The following KCNG4 variants were observed in gnomAD, a reference collection of about 807,000 sequenced individuals.
The protein encoded by KCNG4 is voltage-gated potassium channel regulatory subunit KCNG4.
A neutral mutation model predicts 28.2 loss-of-function variants in KCNG4; 30 were observed. The ratio of observed to expected loss-of-function variants is 1.06; its 90% CI spans 0.80 to 1.44. The LOEUF (loss-of-function observed/expected upper bound fraction) is 1.44. Among genes scored for constraint, KCNG4 ranks in the 40% most tolerant of loss-of-function variants. The probability of loss-of-function intolerance (pLI) is 0.00; values close to 1 mark genes in which losing one functional copy is unlikely to be tolerated. For missense variants in KCNG4, 879 were observed against 712.3 expected, an observed-to-expected ratio of 1.23 and a Z score of -2.66; for synonymous variants, 375 against 315.5, an observed-to-expected ratio of 1.19 and a Z score of -2.00.
chr16:84,235,071 G>T (rs751598995), intron 2 of KCNG4, among the ~76,000 whole-genome samples: 1 of 152,150 alleles, frequency 6.6e-6, no homozygotes, highest in Non-Finnish European at 1.5e-5. Context: ...CCTGATCCTC[G>T]GCTGAAACTT....
chr16:84,235,008 T>C (rs1040543918), intron 2 of KCNG4, among the ~76,000 whole-genome samples: 2 of 152,098 alleles, frequency 1.3e-5, no homozygotes, highest in Admixed American at 6.5e-5. Context: ...CATAAAGATA[T>C]TGTGGCTGGG....
chr16:84,229,225 G>C (rs530267424), intron 2 of KCNG4, among the ~76,000 whole-genome samples: 1 of 151,820 alleles, frequency 6.6e-6, no homozygotes, highest in Non-Finnish European at 1.5e-5. Flanking sequence ...TTGAACCCAG[G>C]AGGTTGGAGG....
chr16:84,238,924 C>G (rs1394182283), intron 1 of KCNG4, among the ~76,000 whole-genome samples: 2 of 152,098 alleles, frequency 1.3e-5, no homozygotes, highest in African/African-American at 4.8e-5. Flanking sequence ...CCATTTCAGA[C>G]CTATATGAGG....
rs1904531357 is a variant in KCNG4 at position 84,220,440 on chromosome 16, G to A, written c.*1777C>T. On this transcript the variant is annotated 3_prime_UTR_variant, in exon 3 of 3. Coordinates refer to ENST00000308251, the MANE Select transcript of KCNG4 (RefSeq NM_172347.3). ...GGTGCAGGGTGCTTCCTGGGCCAGA[G>A]CCCTCTGCCACGCTGCTGTCTGGCA... is the stretch of plus-strand genomic sequence containing the variant. 6.6e-6 allele frequency: 1 copy of A among 152,262 alleles called. No homozygotes were observed. Among genetic ancestry groups the A allele is most frequent in the Admixed American group, 6.5e-5 (1 of 15,290 alleles). 9.4% of individuals were successfully genotyped at this position (152,262 alleles called of 1,614,324 possible). A position where few individuals can be genotyped will look rare whatever the true frequency, so the allele number is the denominator to read the frequency against.
intron 2 of KCNG4, among the ~76,000 whole-genome samples, chr16:84,233,156 C>T (rs1904866239): frequency 6.6e-6 from 1 of 152,152 alleles, no homozygotes; most frequent in African/African-American, 2.4e-5. Flanking sequence ...CTGCTTTATG[C>T]ACCACATGAC....
intron 2 of KCNG4, chr16:84,235,960 G>A (rs1904937176): frequency 6.6e-6 from 1 of 152,136 alleles, no homozygotes; most frequent in East Asian, 1.9e-4. Flanking sequence ...GTGGAGGGAG[G>A]GTGTCTCGGG....
intron 2 of KCNG4, among the ~76,000 whole-genome samples, chr16:84,224,403 TACACACACACACACAC>T (rs58296563): frequency 5.1e-5 from 3 of 58,642 alleles, no homozygotes; most frequent in African/African-American, 1.4e-4. Flanking sequence ...TATACATATT[TACACACACACACACAC>T]ACACACACAC....
rs752941174 is a variant in KCNG4, at chr16:84,236,844, C to T, written c.642G>A (p.Pro214=). The stretch of plus-strand genomic sequence containing the variant: ...AGACCTTCCCGGGCAGCCCGGACTG[C>T]GGGTTTTCCACCATCTCGCGCAGCC... ...MNRLREMVEN[P]QSGLPGKVFA... Residue 214 remains proline, a synonymous_variant, in exon 2 of 3, where the codon CCG becomes CCA. Coordinates refer to ENST00000308251, the MANE Select transcript of KCNG4 (RefSeq NM_172347.3). The T allele has an allele frequency of 9.9e-6, 16 of 1,613,456 alleles. No homozygotes were observed. The highest frequency in any genetic ancestry group is 4.0e-5 in the African/African-American group (3 of 74,928).
At chr16:84,224,978 C>T (rs537558283) in intron 2 of KCNG4, among the ~76,000 whole-genome samples, 1 of 152,264 alleles carries the variant, frequency 6.6e-6, no homozygotes, top group South Asian at 2.1e-4. Flanking sequence ...TCACTTGTCT[C>T]CTCTGGACTT....
rs879333240 is a variant in KCNG4, at chr16:84,219,510, C to CCTGACATCAG, written c.*2706_*2707insCTGATGTCAG. The CCTGACATCAG allele has an allele frequency of 1.3e-5, 2 of 151,190 alleles. No homozygotes were observed. Among genetic ancestry groups the CCTGACATCAG allele is most frequent in the African/African-American group, 2.4e-5 (1 of 41,218 alleles). 9.4% of individuals were successfully genotyped at this position (151,190 alleles called of 1,614,324 possible). On this transcript the variant is annotated 3_prime_UTR_variant, in exon 3 of 3. Transcript: ENST00000308251. ...TTGGGAGGCCGAGGCGGGCGGATCA[C>CCTGACATCAG]GAGGTCAGGAGATGGAGACCATCCT...
chr16:84,237,163 C>T lies in KCNG4; in HGVS notation c.323G>A (p.Ser108Asn). Reference sequence around the variant, plus strand: ...GCTCCTGTCGAAGAAGAACTCCTGGCTGTCCTCGTCGTAATCATCGCAGAG... The same window carrying T: ...GCTCCTGTCGAAGAAGAACTCCTGGTTGTCCTCGTCGTAATCATCGCAGAG... ...VQLCDDYDED[S>N]QEFFFDRSPS... The change falls in exon 2 of 3, where the codon AGC becomes AAC. Residue 108 changes from serine (S) to asparagine (N), a missense_variant. Physicochemically the swap from Ser to Asn is conservative, Grantham distance 46. Transcript: ENST00000308251. 1 of 1,614,180 alleles carries T rather than the reference C, an allele frequency of 6.2e-7. No individual in the cohort carries two copies. Among genetic ancestry groups the T allele is most frequent in the South Asian group, 1.1e-5 (1 of 91,084 alleles).
chr16:84,225,111 T>C (rs1270622261), intron 2 of KCNG4, among the ~76,000 whole-genome samples: 1 of 152,226 alleles, frequency 6.6e-6, no homozygotes, highest in East Asian at 1.9e-4. Context: ...GAACTATACA[T>C]TGGTCATGGA....
chr16:84,234,972 C>A (rs1404298441), intron 2 of KCNG4, among the ~76,000 whole-genome samples: 3 of 152,190 alleles, frequency 2.0e-5, no homozygotes, highest in Non-Finnish European at 4.4e-5. Flanking sequence ...GGCACACACA[C>A]AAAGATGCTT....
rs371689003 is a variant in KCNG4 at position 84,236,900 on chromosome 16, G to A, written c.586C>T (p.His196Tyr). 3 of 1,613,376 alleles carry A rather than the reference G, an allele frequency of 1.9e-6. No homozygotes were observed. Among genetic ancestry groups the A allele is most frequent in the African/African-American group, 2.7e-5 (2 of 74,948 alleles). Residue 196 changes from histidine (H) to tyrosine (Y), a missense_variant, in exon 2 of 3, where the codon CAC becomes TAC. Physicochemically the swap from His to Tyr is moderately conservative, Grantham distance 83 (BLOSUM62 2). Coordinates refer to ENST00000308251, the MANE Select transcript of KCNG4 (RefSeq NM_172347.3). The stretch of plus-strand genomic sequence containing the variant: ...ATGCACAGGCCCCAGCGCGAGGAGT[G>A]CGAGGCGGGGCGGCGGGTCTCCCTC... ...QQRETRRPAS[H>Y]SSRWGLCMNR...
Position 84,221,819 on chromosome 16 carries a change from T to G in KCNG4, c.*398A>C. ...TGGTGGCATGGCCCAGGAAGGAGGG[T>G]CTTAGGGAAATCATGAAATTACATA... On this transcript the variant is annotated 3_prime_UTR_variant, in exon 3 of 3. Transcript: ENST00000308251. 2.1e-5 allele frequency: 4 copies of G among 194,880 alleles called. No individual in the cohort carries two copies. The highest frequency in any genetic ancestry group is 9.2e-5 in the South Asian group (1 of 10,858). 12.1% of individuals were successfully genotyped at this position (194,880 alleles called of 1,614,324 possible).
intron 2 of KCNG4, among the ~76,000 whole-genome samples, chr16:84,225,192 G>A (rs2151336579): frequency 6.8e-6 from 1 of 146,454 alleles, no homozygotes; most frequent in East Asian, 2.0e-4. Context: ...GGAAGATGAG[G>A]GGATTCTCCA....
At position 84,219,658 on chromosome 16, in the gene KCNG4, C is replaced by G. The variant is rs1182020504; in HGVS notation, c.*2559G>C. The G allele has an allele frequency of 7.0e-6, 1 of 142,700 alleles. No homozygotes were observed. Among genetic ancestry groups the G allele is most frequent in the South Asian group, 2.2e-4 (1 of 4,472 alleles). The allele number at this position is 142,700 out of a possible 1,614,324, so 8.8% of individuals were successfully genotyped here. ...AGGAGAATGGCGTGAACCTGGGAGGCGGAGCTTGCAGTGAGCCGAGATTGA... is the reference window on the plus strand; with the variant it reads ...AGGAGAATGGCGTGAACCTGGGAGGGGGAGCTTGCAGTGAGCCGAGATTGA... On this transcript the variant is annotated 3_prime_UTR_variant, in exon 3 of 3. Coordinates refer to ENST00000308251, the MANE Select transcript of KCNG4 (RefSeq NM_172347.3).
At chr16:84,230,402 CAA>C (rs36051103) in intron 2 of KCNG4, among the ~76,000 whole-genome samples, 13 of 30,342 alleles carry the variant, frequency 4.3e-4, no homozygotes, top group African/African-American at 1.5e-3. Flanking sequence ...GACTTCATCT[CAA>C]AAAAAAAAAA....
chr16:84,225,259 G>A (rs543132383), intron 2 of KCNG4, among the ~76,000 whole-genome samples: 1 of 151,796 alleles, frequency 6.6e-6, no homozygotes, highest in Non-Finnish European at 1.5e-5. Context: ...ATCCTGAAGG[G>A]CTCAGAAGTT....
Sources: allele counts gnomAD v4.1 joint callset (sites outside exome capture counted in the v4.1 genomes callset), GRCh38; gene constraint gnomAD v4.1.1; transcripts MANE v1.5; gene names NCBI Gene and HGNC (gene_info 2026-07-23, HGNC 2026-07-21).